The following GNAQ variants were observed in gnomAD, a reference collection of about 807,000 sequenced individuals.
GNAQ encodes the protein G protein subunit alpha q, also known as guanine nucleotide-binding protein G(q) subunit alpha.
A neutral mutation model predicts 43.9 loss-of-function variants in GNAQ; 8 were observed. The ratio of observed to expected loss-of-function variants is 0.18; its 90% CI spans 0.11 to 0.33. GNAQ has a LOEUF of 0.33. Ranked by LOEUF, GNAQ falls within the 10% of genes least tolerant of loss-of-function variation. The pLI is 1.00. For synonymous variants in GNAQ, 155 were observed against 170.7 expected, an observed-to-expected ratio of 0.91 and a Z score of 0.71; for missense variants, 158 against 450.8, an observed-to-expected ratio of 0.35 and a Z score of 5.88.
intron 5 of GNAQ, among the ~76,000 whole-genome samples, chr9:77,729,360 G>A (rs1218339263): frequency 6.6e-6 from 1 of 152,140 alleles, no homozygotes; most frequent in Non-Finnish European, 1.5e-5. Context: ...CAGCATCTGT[G>A]AGTAAGTGTT....
At chr9:77,953,934 C>T (rs2118391252) in intron 1 of GNAQ, among the ~76,000 whole-genome samples, 1 of 152,238 alleles carries the variant, frequency 6.6e-6, no homozygotes. Context: ...CCTTCATTGA[C>T]CAAATATTTA....
chr9:77,862,873 G>A (rs962129660), intron 2 of GNAQ, among the ~76,000 whole-genome samples: 1 of 152,154 alleles, frequency 6.6e-6, no homozygotes, highest in African/African-American at 2.4e-5. Context: ...CTTCTTGAAG[G>A]CTTTGCTGCT....
chr9:77,718,595 C>G lies in GNAQ; in HGVS notation c.*2728G>C. On this transcript the variant is annotated 3_prime_UTR_variant, in exon 7 of 7. Coordinates refer to ENST00000286548, the MANE Select transcript of GNAQ (RefSeq NM_002072.5). ...GCTCAGCTTCTTCAAGCTTTGAGAT[C>G]AGGTTTAATTGACTACATTTACTAT... 4.3e-6 allele frequency: 1 copy of G among 232,852 alleles called. No homozygotes were observed. Among genetic ancestry groups the G allele is most frequent in the East Asian group, 6.1e-5 (1 of 16,518 alleles). The allele number at this position is 232,852 out of a possible 1,614,324, so 14.4% of individuals were successfully genotyped here.
At chr9:77,950,957 AT>A (rs1822966946) in intron 1 of GNAQ, among the ~76,000 whole-genome samples, 1 of 152,152 alleles carries the variant, frequency 6.6e-6, no homozygotes, top group African/African-American at 2.4e-5. Flanking sequence ...TAACTTTTTA[AT>A]TTAAAAAAAG....
intron 2 of GNAQ, among the ~76,000 whole-genome samples, chr9:77,861,740 C>T (rs1047902729): frequency 1.2e-4 from 19 of 152,134 alleles, no homozygotes; most frequent in African/African-American, 4.6e-4. Context: ...TGGTGGCTCA[C>T]GCCTATAATC....
intron 2 of GNAQ, among the ~76,000 whole-genome samples, chr9:77,843,629 G>C (rs1587941940): frequency 2.0e-5 from 3 of 152,192 alleles, no homozygotes; most frequent in Admixed American, 1.3e-4. Context: ...GAAGTCAGAG[G>C]AAACTGGTGT....
intron 1 of GNAQ, among the ~76,000 whole-genome samples, chr9:77,999,646 C>G (rs897741237): frequency 2.0e-4 from 31 of 152,200 alleles, no homozygotes; most frequent in African/African-American, 7.5e-4. Context: ...TGGGAAGCTA[C>G]TTATTTCAAC....
chr9:77,720,318 C>G lies in GNAQ; in HGVS notation c.*1005G>C, dbSNP rs887485651. ...TTCATTTTATTTGACAAAAAGCCAG[C>G]TTTGGCAACACATACCCATAATAAA... On this transcript the variant is annotated 3_prime_UTR_variant, in exon 7 of 7. Transcript: ENST00000286548. 4.3e-6 allele frequency: 1 copy of G among 233,316 alleles called. No homozygotes were observed. The highest frequency in any genetic ancestry group is 8.5e-6 in the Non-Finnish European group (1 of 117,954). The allele number at this position is 233,316 out of a possible 1,614,324, so 14.5% of individuals were successfully genotyped here.
rs529538467 is a variant in GNAQ at position 77,969,186 on chromosome 9, T to C, written c.137-46841A>G. Among the ~76,000 whole-genome samples the C allele has an allele frequency of 1.5e-4, 23 of 152,332 alleles. 1 individual carries two copies. Among genetic ancestry groups the C allele is most frequent in the African/African-American group, 5.5e-4 (23 of 41,582 alleles). On this transcript the variant is annotated intron_variant, in intron 1 of 6. Coordinates refer to ENST00000286548, the MANE Select transcript of GNAQ (RefSeq NM_002072.5). ...CAGCCAAGCAGCCCATTCAGTCTTA[T>C]TCAACACCCCAATTCTCCCTCTGGC...
At chr9:78,008,082 A>G (rs1823728713) in intron 1 of GNAQ, among the ~76,000 whole-genome samples, 1 of 152,220 alleles carries the variant, frequency 6.6e-6, no homozygotes, top group South Asian at 2.1e-4. Context: ...AGAAGAAATA[A>G]ATTTAGTGAC....
chr9:77,848,892 C>T (rs1480010759), intron 2 of GNAQ, among the ~76,000 whole-genome samples: 4 of 152,208 alleles, frequency 2.6e-5, no homozygotes, highest in Non-Finnish European at 5.9e-5. Context: ...GAGATAAATA[C>T]CCGACAGCAA....
intron 1 of GNAQ, among the ~76,000 whole-genome samples, chr9:77,996,446 G>A (rs919024943): frequency 4.6e-5 from 7 of 152,080 alleles, no homozygotes; most frequent in African/African-American, 7.2e-5. Context: ...TTGGGAAGCC[G>A]AGGCGGGCGG....
chr9:78,027,101 C>A (rs1388611642), intron 1 of GNAQ, among the ~76,000 whole-genome samples: 1 of 152,086 alleles, frequency 6.6e-6, no homozygotes, highest in African/African-American at 2.4e-5. Flanking sequence ...ATGACTGTTA[C>A]CATTCTCAAA....
intron 5 of GNAQ, among the ~76,000 whole-genome samples, chr9:77,781,944 A>G (rs1826400392): frequency 6.6e-6 from 1 of 152,182 alleles, no homozygotes; most frequent in East Asian, 1.9e-4. Context: ...CTTTCTCTCT[A>G]AGATCAGGAA....
chr9:77,909,934 G>T, intron 2 of GNAQ, among the ~76,000 whole-genome samples: 1 of 152,006 alleles, frequency 6.6e-6, no homozygotes, highest in African/African-American at 2.4e-5. Context: ...TTTTTAAAGT[G>T]CATTTCTTGC....
At chr9:77,808,496 T>C (rs757211575) in intron 3 of GNAQ, among the ~76,000 whole-genome samples, 3 of 151,722 alleles carry the variant, frequency 2.0e-5, no homozygotes, top group African/African-American at 7.3e-5. Flanking sequence ...AGCAAACATA[T>C]GCAAGATCAA....
At chr9:77,759,929 TTTTC>T (rs1418293473) in intron 5 of GNAQ, among the ~76,000 whole-genome samples, 1 of 151,472 alleles carries the variant, frequency 6.6e-6, no homozygotes, top group African/African-American at 2.4e-5. Context: ...TCCTTTTTCT[TTTTC>T]TTTTTTTTTT....
intron 4 of GNAQ, among the ~76,000 whole-genome samples, chr9:77,796,258 T>G (rs144915187): frequency 1.3e-5 from 2 of 152,304 alleles, no homozygotes; most frequent in African/African-American, 2.4e-5. Context: ...CAGAGGCCGA[T>G]TAGAAGAAAA....
At chr9:78,030,095 C>G (rs900468379) in intron 1 of GNAQ, among the ~76,000 whole-genome samples, 7 of 152,012 alleles carry the variant, frequency 4.6e-5, no homozygotes, top group Middle Eastern at 3.2e-3. Flanking sequence ...GGAAATTTTT[C>G]CTGTATGCTT....
Sources: allele counts gnomAD v4.1 joint callset (sites outside exome capture counted in the v4.1 genomes callset), GRCh38; gene constraint gnomAD v4.1.1; transcripts MANE v1.5; gene names NCBI Gene and HGNC (gene_info 2026-07-23, HGNC 2026-07-21).